SUMO3: variants seen among roughly 807,000 people sequenced by gnomAD.
The protein encoded by SUMO3 is small ubiquitin like modifier 3, also known as small ubiquitin-related modifier 3.
A neutral mutation model predicts 11.1 loss-of-function variants in SUMO3; 2 were observed. That is an observed-to-expected ratio of 0.18 (90% CI 0.07 to 0.57). The LOEUF is 0.57. SUMO3 is among the 20% of genes least tolerant of loss of function. The pLI is 0.92. For missense variants in SUMO3, 70 were observed against 132.8 expected, an observed-to-expected ratio of 0.53 and a Z score of 2.32; for synonymous variants, 56 against 53.5, an observed-to-expected ratio of 1.05 and a Z score of -0.20.
rs148679100 is a variant in SUMO3 at position 44,809,086 on chromosome 21, G to T, written c.183C>A (p.Phe61Leu). 7.4e-6 allele frequency: 12 copies of T among 1,613,942 alleles called. No individual in the cohort carries two copies. Among genetic ancestry groups the T allele is most frequent in the Non-Finnish European group, 1.0e-5 (12 of 1,179,976 alleles). Residue 61 changes from phenylalanine to leucine, a missense_variant, in exon 3 of 4, where the codon TTC (phenylalanine) becomes TTA (leucine). Transcript: ENST00000332859. Reference protein sequence around the residue: ...GLSMRQIRFRFDGQPINETDT... With the variant: ...GLSMRQIRFRLDGQPINETDT... ...CAGTTTCATTGATTGGCTGCCCGTC[G>T]AACCTGAATCTGATCTGCCTCATTG...
At chr21:44,812,300 G>C (rs1217460759) in intron 2 of SUMO3, among the ~76,000 whole-genome samples, 1 of 151,746 alleles carries the variant, frequency 6.6e-6, no homozygotes. Flanking sequence ...CTCAAGTCTT[G>C]AATTCCTGAC....
rs191227970 is a variant in SUMO3, at chr21:44,809,912, A to C, written c.151-794T>G. ...ATCCCTCCCATCTTTCCAGAAGCCG[A>C]GTAGAACTTCTACAATGCTGGCACC... On this transcript the variant is annotated intron_variant, in intron 2 of 3. Transcript: ENST00000332859. Among the ~76,000 whole-genome samples, 39 of 152,312 alleles carry C rather than the reference A, an allele frequency of 2.6e-4. No individual in the cohort carries two copies. In the East Asian group the frequency reaches 6.4e-3, roughly 25 times the overall value.
chr21:44,815,982 G>T (rs535427702), intron 1 of SUMO3, among the ~76,000 whole-genome samples: 1 of 152,138 alleles, frequency 6.6e-6, no homozygotes, highest in South Asian at 2.1e-4. Context: ...CAGCACCACC[G>T]GGCCCCAGAG....
chr21:44,812,128 C>T (rs2083216110), intron 2 of SUMO3, among the ~76,000 whole-genome samples: 1 of 144,354 alleles, frequency 6.9e-6, no homozygotes, highest in Non-Finnish European at 1.5e-5. Flanking sequence ...ATGACCTCAG[C>T]TCCCTGCAGC....
chr21:44,812,054 T>C (rs73232964), intron 2 of SUMO3, among the ~76,000 whole-genome samples: 9 of 2,070 alleles, frequency 4.3e-3, no homozygotes, highest in Non-Finnish European at 6.8e-3. Flanking sequence ...ACTTCTCACC[T>C]TTTTTTTTTT....
At chr21:44,816,459 C>G (rs2146427816) in intron 1 of SUMO3, among the ~76,000 whole-genome samples, 1 of 152,258 alleles carries the variant, frequency 6.6e-6, no homozygotes, top group African/African-American at 2.4e-5. Context: ...CCTGACGGTT[C>G]CATCCCACTT....
chr21:44,818,057 A>T lies in SUMO3; in HGVS notation c.-89T>A. The T allele has an allele frequency of 9.5e-7, 1 of 1,056,198 alleles. No individual in the cohort carries two copies. The allele number at this position is 1,056,198 out of a possible 1,614,324, so 65.4% of individuals were successfully genotyped here. A position where few individuals can be genotyped will look rare whatever the true frequency, so the allele number is the denominator to read the frequency against. ...CTCGGCCCCGCCGCTCTCCCGCCGCAACTGTGCGCGGGGCCGCGCTTTATC... is the reference window on the plus strand; with the variant it reads ...CTCGGCCCCGCCGCTCTCCCGCCGCTACTGTGCGCGGGGCCGCGCTTTATC... On this transcript the variant is annotated 5_prime_UTR_variant, in exon 1 of 4. Transcript: ENST00000332859.
At position 44,807,067 on chromosome 21, in the gene SUMO3, G is replaced by A; in HGVS notation, c.223-27C>T. ...TGTCATGGTTGTCACAACAGGCACA[G>A]CGAGAGAGAGGGGAGCCTGTTAGTT... On this transcript the variant is annotated intron_variant, in intron 3 of 3. Transcript: ENST00000332859. This position sits in a 1 kb window ranked among gnomAD's most constrained non-coding sequence, Gnocchi z 4.3. 6.2e-7 allele frequency: 1 copy of A among 1,611,356 alleles called. No individual in the cohort carries two copies. Among genetic ancestry groups the A allele is most frequent in the East Asian group, 2.2e-5 (1 of 44,810 alleles).
At chr21:44,815,453 G>A (rs1305614163) in intron 1 of SUMO3, among the ~76,000 whole-genome samples, 3 of 152,186 alleles carry the variant, frequency 2.0e-5, no homozygotes, top group African/African-American at 7.2e-5. Flanking sequence ...CCCACTCCCG[G>A]GATGCCAGTG....
chr21:44,807,239 T>A lies in SUMO3; in HGVS notation c.223-199A>T, dbSNP rs1365243268. On this transcript the variant is annotated intron_variant, in intron 3 of 3. Transcript: ENST00000332859. This position sits in a 1 kb window ranked among gnomAD's most constrained non-coding sequence, Gnocchi z 4.3. Reference sequence around the variant, plus strand: ...ATTGCTGTATGCTCACTACAGCCCTTACGGTTCAACAAGCTTCCCCTAACA... The same window carrying A: ...ATTGCTGTATGCTCACTACAGCCCTAACGGTTCAACAAGCTTCCCCTAACA... Among the ~76,000 whole-genome samples the A allele has an allele frequency of 1.3e-5, 2 of 152,138 alleles. No homozygotes were observed. Among genetic ancestry groups the A allele is most frequent in the Non-Finnish European group, 2.9e-5 (2 of 68,014 alleles).
At chr21:44,816,041 C>T (rs935647160) in intron 1 of SUMO3, among the ~76,000 whole-genome samples, 2 of 152,206 alleles carry the variant, frequency 1.3e-5, no homozygotes, top group African/African-American at 4.8e-5. Context: ...GCTGCTCCCA[C>T]ATGGGCTCAG....
chr21:44,812,555 C>T (rs2083218365), intron 2 of SUMO3, among the ~76,000 whole-genome samples: 2 of 152,210 alleles, frequency 1.3e-5, no homozygotes, highest in South Asian at 4.1e-4. Context: ...CTTCTGTGCC[C>T]GTTCTGACAA....
rs2083173359 is a variant in SUMO3, at chr21:44,805,945, C to G, written c.*1006G>C. 6.6e-6 allele frequency: 1 copy of G among 152,392 alleles called. No individual in the cohort carries two copies. Among genetic ancestry groups the G allele is most frequent in the African/African-American group, 2.4e-5 (1 of 41,422 alleles). 9.4% of individuals were successfully genotyped at this position (152,392 alleles called of 1,614,324 possible). ...CCAGACTAATGCATAAATTCAATACCTATTTGGAAAGCAGCACGGCACAAA... is the reference window on the plus strand; with the variant it reads ...CCAGACTAATGCATAAATTCAATACGTATTTGGAAAGCAGCACGGCACAAA... On this transcript the variant is annotated 3_prime_UTR_variant, in exon 4 of 4. Coordinates refer to ENST00000332859, the MANE Select transcript of SUMO3 (RefSeq NM_006936.3).
intron 1 of SUMO3, among the ~76,000 whole-genome samples, chr21:44,814,621 A>G (rs1256968436): frequency 6.6e-6 from 1 of 152,264 alleles, no homozygotes; most frequent in African/African-American, 2.4e-5. Flanking sequence ...AACCAAAAAC[A>G]GAAGAAAACA....
rs923488341 is a variant in SUMO3 at position 44,810,126 on chromosome 21, A to C, written c.151-1008T>G. 1.3e-5 allele frequency among the ~76,000 whole-genome samples: 2 copies of C among 152,228 alleles called. No individual in the cohort carries two copies. Among genetic ancestry groups the C allele is most frequent in the Non-Finnish European group, 2.9e-5 (2 of 68,032 alleles). Reference sequence around the variant, plus strand: ...ATGGAGAAATGTGGTCAGGGGCAGAAACATTTCCTCAACGAGCAGTTTTGA... The same window carrying C: ...ATGGAGAAATGTGGTCAGGGGCAGACACATTTCCTCAACGAGCAGTTTTGA... On this transcript the variant is annotated intron_variant, in intron 2 of 3. Coordinates refer to ENST00000332859, the MANE Select transcript of SUMO3 (RefSeq NM_006936.3). This position sits in a 1 kb window ranked among gnomAD's most constrained non-coding sequence, Gnocchi z 4.1.
intron 3 of SUMO3, chr21:44,808,348 TA>T: frequency 2.1e-6 from 1 of 468,616 alleles, no homozygotes; most frequent in South Asian, 3.5e-5. Flanking sequence ...CCGTCTCTAC[TA>T]AAAATACAAA....
chr21:44,815,261 C>T (rs1333443470), intron 1 of SUMO3, among the ~76,000 whole-genome samples: 1 of 152,208 alleles, frequency 6.6e-6, no homozygotes, highest in African/African-American at 2.4e-5. Context: ...GGACTGCACC[C>T]ATGCTTGCTT....
rs944268578 is a variant in SUMO3, at chr21:44,807,535, C to G, written c.223-495G>C. Among the ~76,000 whole-genome samples, 6 of 152,100 alleles carry G rather than the reference C, an allele frequency of 3.9e-5. No homozygotes were observed. Among genetic ancestry groups the G allele is most frequent in the African/African-American group, 1.2e-4 (5 of 41,424 alleles). ...CATTGCCAGCTTCTCCCCGCCCCTC[C>G]CCATTTAAAGCCCAGGCAAGGTAGT... On this transcript the variant is annotated intron_variant, in intron 3 of 3. Coordinates refer to ENST00000332859, the MANE Select transcript of SUMO3 (RefSeq NM_006936.3). The surrounding 1 kb of genome is among the most constrained non-coding windows in gnomAD (Gnocchi z 4.3).
At chr21:44,809,951 T>C (rs912969578) in intron 2 of SUMO3, among the ~76,000 whole-genome samples, 6 of 152,088 alleles carry the variant, frequency 3.9e-5, no homozygotes, top group African/African-American at 1.4e-4. Flanking sequence ...ACTTCCCCCC[T>C]TTACAAAGTT....
Sources: gnomAD v4.1 joint callset for allele counts (sites outside exome capture counted in the v4.1 genomes callset) on GRCh38, gnomAD v4.1.1 for gene constraint, Gnocchi (gnomAD v3.1) non-coding constraint, MANE v1.5 for transcripts, NCBI Gene and HGNC (gene_info 2026-07-23, HGNC 2026-07-21) for gene names.